Variants in ADARB1 observed in about 807,000 individuals in gnomAD.
ADARB1 encodes the protein double-stranded RNA-specific editase 1.
Under a neutral mutation model 52.4 loss-of-function variants are expected in ADARB1, and 10 were observed. That is an observed-to-expected ratio of 0.19 (90% confidence interval 0.12 to 0.32). The LOEUF (loss-of-function observed/expected upper bound fraction) is 0.32. Ranked by LOEUF, ADARB1 falls within the 10% of genes least tolerant of loss-of-function variation. The pLI, the probability that ADARB1 is intolerant of heterozygous loss-of-function variation, is 1.00. For missense variants in ADARB1, 643 were observed against 922.3 expected (o/e 0.70, Z 3.92); for synonymous variants, 349 against 371.1 (o/e 0.94, Z 0.68).
intron 1 of ADARB1, among the ~76,000 whole-genome samples, chr21:45,120,134 C>T (rs2088079375): frequency 1.3e-5 from 2 of 152,098 alleles, no homozygotes; most frequent in African/African-American, 2.4e-5. Context: ...ATGGACTAGC[C>T]CTTAGTTGCA....
intron 9 of ADARB1, among the ~76,000 whole-genome samples, chr21:45,219,491 C>A (rs982685359): frequency 6.6e-6 from 1 of 152,296 alleles, no homozygotes; most frequent in East Asian, 1.9e-4. Flanking sequence ...ACCACACACT[C>A]CAGCCTGGCA....
chr21:45,133,673 C>T (rs1490675156), intron 2 of ADARB1: 1 of 283,322 alleles, frequency 3.5e-6, no homozygotes, highest in Non-Finnish European at 7.0e-6. Flanking sequence ...CAGGTGTGTA[C>T]CTGAAAGAGG....
In ADARB1 at chr21:45,154,533, G is replaced by A. The variant is rs111738028; in HGVS notation, c.-47-17077G>A. Among the ~76,000 whole-genome samples, 601 of 152,192 alleles carry A rather than the reference G, an allele frequency of 3.9e-3. 7 individuals carry two copies. The highest frequency in any genetic ancestry group is 0.014 in the African/African-American group (566 of 41,518). On this transcript the variant is annotated intron_variant, in intron 2 of 10. Transcript: ENST00000348831. ...TTTCCCTAAGACTGATACAATGTAC[G>A]CCTTTTAAAATGTAATTCTTTGATG...
At chr21:45,164,159 T>TA (rs1217480552) in intron 2 of ADARB1, among the ~76,000 whole-genome samples, 16 of 152,284 alleles carry the variant, frequency 1.1e-4, no homozygotes, top group Non-Finnish European at 1.5e-5. Context: ...GCAGGCACCA[T>TA]CGAGGATGTG....
intron 2 of ADARB1, among the ~76,000 whole-genome samples, chr21:45,156,032 C>T (rs1379779149): frequency 6.6e-6 from 1 of 151,426 alleles, no homozygotes; most frequent in Non-Finnish European, 1.5e-5. Flanking sequence ...CATCACCCAT[C>T]ATCCACCCAC....
chr21:45,174,155 C>T (rs1476517954), intron 3 of ADARB1, among the ~76,000 whole-genome samples: 2 of 152,174 alleles, frequency 1.3e-5, no homozygotes, highest in Non-Finnish European at 2.9e-5. Flanking sequence ...TAGAAATAGA[C>T]CCTAAAGCCA....
chr21:45,148,559 G>C (rs1303014078), intron 2 of ADARB1, among the ~76,000 whole-genome samples: 3 of 152,214 alleles, frequency 2.0e-5, no homozygotes, highest in Non-Finnish European at 4.4e-5. Context: ...AGGCGACTCT[G>C]GCTTGTGTAT....
intron 1 of ADARB1, among the ~76,000 whole-genome samples, chr21:45,075,198 G>T (rs2085872398): frequency 6.6e-6 from 1 of 151,688 alleles, no homozygotes; most frequent in Admixed American, 6.6e-5. Context: ...ACGAGGCTGC[G>T]CCCGGGGACC....
Position 45,225,132 on chromosome 21 carries a change from T to C in ADARB1, c.*2935T>C. On this transcript the variant is annotated 3_prime_UTR_variant, in exon 11 of 11. Coordinates refer to ENST00000348831, the MANE Select transcript of ADARB1 (RefSeq NM_001112.4). ...AAGTATTAATTCCACAAAGACACTG[T>C]CCCTCAGGACCACTCAGGTACAGCT... 9.9e-7 allele frequency: 1 copy of C among 1,012,856 alleles called. No homozygotes were observed. Among genetic ancestry groups the C allele is most frequent in the Non-Finnish European group, 1.2e-6 (1 of 848,974 alleles). 62.7% of individuals were successfully genotyped at this position (1,012,856 alleles called of 1,614,324 possible).
At chr21:45,088,459 G>A (rs1266140922) in intron 1 of ADARB1, among the ~76,000 whole-genome samples, 3 of 152,170 alleles carry the variant, frequency 2.0e-5, no homozygotes, top group Admixed American at 2.0e-4. Flanking sequence ...AACAAAGTCA[G>A]TATCACTACT....
chr21:45,153,131 T>C (rs751057815), intron 2 of ADARB1, among the ~76,000 whole-genome samples: 1 of 152,248 alleles, frequency 6.6e-6, no homozygotes, highest in Non-Finnish European at 1.5e-5. Flanking sequence ...GAGCAACCAT[T>C]GTGAAAATAT....
intron 2 of ADARB1, chr21:45,133,703 G>GCT (rs2089104919): frequency 3.9e-6 from 1 of 255,526 alleles, no homozygotes; most frequent in African/African-American, 2.4e-5. Flanking sequence ...GACGGTGTGT[G>GCT]CGACCGATGG....
At chr21:45,216,736 A>G (rs777377504) in intron 9 of ADARB1, among the ~76,000 whole-genome samples, 2 of 151,956 alleles carry the variant, frequency 1.3e-5, no homozygotes, top group Non-Finnish European at 2.9e-5. Context: ...TGATTATACT[A>G]TTTATTTTCT....
rs1001606683 is a variant in ADARB1, at chr21:45,128,580, A to G, written c.-48+7A>G. ...AAGCTAGAAAAATTTCAAGGTGAGT[A>G]AAAACCTGTAAAGATCTGATCAAAT... On this transcript the variant is annotated splice_region_variant and intron_variant, in intron 2 of 10. Coordinates refer to ENST00000348831, the MANE Select transcript of ADARB1 (RefSeq NM_001112.4). The surrounding 1 kb of genome is among the most constrained non-coding windows in gnomAD (Gnocchi z 4.6). 6.6e-6 allele frequency: 1 copy of G among 152,276 alleles called. No individual in the cohort carries two copies. Among genetic ancestry groups the G allele is most frequent in the Admixed American group, 6.5e-5 (1 of 15,292 alleles). 9.4% of individuals were successfully genotyped at this position (152,276 alleles called of 1,614,324 possible). A position where few individuals can be genotyped will look rare whatever the true frequency, so the allele number is the denominator to read the frequency against.
chr21:45,177,976 T>C (rs2091769803), intron 4 of ADARB1, among the ~76,000 whole-genome samples: 1 of 152,180 alleles, frequency 6.6e-6, no homozygotes, highest in South Asian at 2.1e-4. Context: ...AACAAATCAG[T>C]GCTACTAGAT....
intron 9 of ADARB1, among the ~76,000 whole-genome samples, chr21:45,212,401 G>A (rs1182028521): frequency 6.6e-6 from 1 of 152,198 alleles, no homozygotes; most frequent in Non-Finnish European, 1.5e-5. Context: ...AGGTGCTGGA[G>A]GTAGGGCAGG....
At chr21:45,096,152 A>G (rs2086750448) in intron 1 of ADARB1, among the ~76,000 whole-genome samples, 1 of 152,234 alleles carries the variant, frequency 6.6e-6, no homozygotes, top group South Asian at 2.1e-4. Context: ...AGCCCCTTCC[A>G]CGTGGCAGGA....
intron 5 of ADARB1, 44 bp downstream of exon 5, chr21:45,180,488 C>T (rs752462567): frequency 6.7e-7 from 1 of 1,482,380 alleles, no homozygotes; most frequent in Non-Finnish European, 9.4e-7. Context: ...GTTTTCATGT[C>T]TGACAAATGT....
chr21:45,209,558 C>T (rs1487058229), intron 9 of ADARB1, among the ~76,000 whole-genome samples: 2 of 152,206 alleles, frequency 1.3e-5, no homozygotes, highest in African/African-American at 2.4e-5. Flanking sequence ...GGGCTCTGCC[C>T]TACCCCAAGG....
Sources: allele counts gnomAD v4.1 joint callset (sites outside exome capture counted in the v4.1 genomes callset), GRCh38; gene constraint gnomAD v4.1.1; non-coding constraint Gnocchi (gnomAD v3.1); transcripts MANE v1.5; gene names NCBI Gene and HGNC (gene_info 2026-07-23, HGNC 2026-07-21).